The following SCHIP1 variants were observed in gnomAD, a reference collection of about 807,000 sequenced individuals.
SCHIP1 encodes the protein schwannomin interacting protein 1.
Under a neutral mutation model 29.7 loss-of-function variants are expected in SCHIP1, and 8 were observed. The ratio of observed to expected loss-of-function variants is 0.27; its 90% CI spans 0.16 to 0.49. The LOEUF (loss-of-function observed/expected upper bound fraction) is 0.49, where lower values mean the gene tolerates loss of function less well. Ranked by LOEUF, SCHIP1 falls within the 20% of genes least tolerant of loss-of-function variation. The pLI is 0.99. For synonymous variants in SCHIP1, 76 were observed against 94.9 expected (o/e 0.80, Z 1.16); for missense variants, 193 against 294.6 (o/e 0.66, Z 2.52).
the SCHIP1 span, among the ~76,000 whole-genome samples, chr3:159,592,718 C>T: frequency 6.6e-6 from 1 of 152,070 alleles, no homozygotes. Flanking sequence ...GTTCATATAA[C>T]ACTGTGTACA....
chr3:159,353,942 A>G, the SCHIP1 span, among the ~76,000 whole-genome samples: 4,809 of 152,230 alleles, frequency 0.032, 279 homozygotes, highest in African/African-American at 0.11. Context: ...TAGCTACTTC[A>G]TTTATTTAAT....
the SCHIP1 span, among the ~76,000 whole-genome samples, chr3:159,810,573 C>A: frequency 2.0e-5 from 3 of 152,208 alleles, no homozygotes; most frequent in African/African-American, 7.2e-5. Context: ...AATATCCAAT[C>A]TTTTACATCT....
the SCHIP1 span, among the ~76,000 whole-genome samples, chr3:159,443,342 A>G: frequency 2.6e-5 from 4 of 152,178 alleles, no homozygotes; most frequent in African/African-American, 9.7e-5. Context: ...TAAATATATG[A>G]TAACCAGTTT....
At chr3:159,434,253 T>C in the SCHIP1 span, among the ~76,000 whole-genome samples, 6 of 152,130 alleles carry the variant, frequency 3.9e-5, no homozygotes, top group Non-Finnish European at 8.8e-5. Flanking sequence ...GAGTTTACCA[T>C]GTTGTAGAGC....
the SCHIP1 span, among the ~76,000 whole-genome samples, chr3:159,538,653 T>C: frequency 5.9e-5 from 9 of 152,088 alleles, no homozygotes; most frequent in African/African-American, 1.9e-4. Flanking sequence ...CTGAGGTAGT[T>C]AAGTTTTAGG....
the SCHIP1 span, among the ~76,000 whole-genome samples, chr3:159,624,850 C>T: frequency 6.6e-6 from 1 of 152,100 alleles, no homozygotes; most frequent in South Asian, 2.1e-4. Flanking sequence ...GGATTTTTGG[C>T]TTTGGCAATC....
the SCHIP1 span, among the ~76,000 whole-genome samples, chr3:159,795,553 C>T: frequency 6.6e-6 from 1 of 152,192 alleles, no homozygotes; most frequent in Non-Finnish European, 1.5e-5. Context: ...GGAAACTATA[C>T]CTCTGATACC....
the SCHIP1 span, among the ~76,000 whole-genome samples, chr3:159,361,617 G>A: frequency 1.6e-4 from 24 of 152,292 alleles, no homozygotes; most frequent in East Asian, 4.4e-3. Flanking sequence ...TTTCTGGCAA[G>A]TGTTTGGAGA....
chr3:159,397,200 G>A, the SCHIP1 span, among the ~76,000 whole-genome samples: 32 of 151,538 alleles, frequency 2.1e-4, no homozygotes, highest in East Asian at 1.4e-3. Flanking sequence ...CTCTGTATTG[G>A]TTATTCTAGT....
chr3:159,878,574 C>G (rs553543533), intron 2 of SCHIP1, among the ~76,000 whole-genome samples: 1 of 151,498 alleles, frequency 6.6e-6, no homozygotes, highest in Non-Finnish European at 1.5e-5. Flanking sequence ...GTCAGGAGAT[C>G]GAGACCATCC....
chr3:159,558,515 C>G, the SCHIP1 span, among the ~76,000 whole-genome samples: 10 of 151,898 alleles, frequency 6.6e-5, no homozygotes, highest in African/African-American at 2.4e-4. Flanking sequence ...AACTTGGTGT[C>G]CTAGTTGGTG....
the SCHIP1 span, among the ~76,000 whole-genome samples, chr3:159,484,564 A>G: frequency 6.6e-6 from 1 of 152,248 alleles, no homozygotes; most frequent in African/African-American, 2.4e-5. Flanking sequence ...CCTCCTCTAT[A>G]TTTTGTCATA....
intron 2 of SCHIP1, among the ~76,000 whole-genome samples, chr3:159,883,482 C>T (rs898596573): frequency 6.6e-6 from 1 of 152,134 alleles, no homozygotes; most frequent in African/African-American, 2.4e-5. Context: ...GGCACAGAGG[C>T]CTTCAGCAGC....
chr3:159,396,522 AC>A, the SCHIP1 span, among the ~76,000 whole-genome samples: 1 of 147,656 alleles, frequency 6.8e-6, no homozygotes, highest in Non-Finnish European at 1.5e-5. Context: ...CCTGGTGGTG[AC>A]AAAATCTCTC....
chr3:159,509,873 C>T, the SCHIP1 span, among the ~76,000 whole-genome samples: 9 of 152,096 alleles, frequency 5.9e-5, no homozygotes, highest in South Asian at 2.1e-4. Flanking sequence ...GTGGGTAACC[C>T]GACCTTTCTC....
chr3:159,604,761 T>C, the SCHIP1 span, among the ~76,000 whole-genome samples: 1 of 152,246 alleles, frequency 6.6e-6, no homozygotes, highest in East Asian at 1.9e-4. Flanking sequence ...TGACAGTTCA[T>C]GTGTTTCTCA....
At chr3:159,357,131 G>C in the SCHIP1 span, among the ~76,000 whole-genome samples, 2 of 152,178 alleles carry the variant, frequency 1.3e-5, no homozygotes, top group African/African-American at 2.4e-5. Flanking sequence ...AAAGTGACTT[G>C]TTTCAGCATG....
the SCHIP1 span, among the ~76,000 whole-genome samples, chr3:159,301,003 TTAA>T: frequency 2.6e-5 from 4 of 152,190 alleles, no homozygotes; most frequent in Non-Finnish European, 5.9e-5. Flanking sequence ...ATATTTACTG[TTAA>T]TAATGTGCTA....
intron 2 of SCHIP1, among the ~76,000 whole-genome samples, chr3:159,877,956 A>G (rs1452905867): frequency 6.6e-6 from 1 of 152,242 alleles, no homozygotes; most frequent in African/African-American, 2.4e-5. Flanking sequence ...CAGTTGAATC[A>G]GAGTCCATCC....
Sources: gnomAD v4.1 joint callset for allele counts (sites outside exome capture counted in the v4.1 genomes callset) on GRCh38, gnomAD v4.1.1 for gene constraint, MANE v1.5 for transcripts, NCBI Gene and HGNC (gene_info 2026-07-23, HGNC 2026-07-21) for gene names.